Variants in SDCBP observed in about 807,000 individuals in gnomAD.
The protein encoded by SDCBP is syntenin-1.
SDCBP carries 22 observed loss-of-function variants against 30.5 expected under a neutral mutation model. The ratio of observed to expected loss-of-function variants is 0.72; its 90% CI spans 0.52 to 1.03. SDCBP has a LOEUF of 1.03. Ranked by LOEUF, SDCBP falls within the 50% of genes least tolerant of loss-of-function variation. The pLI, the probability that SDCBP is intolerant of heterozygous loss-of-function variation, is 0.00. For missense variants in SDCBP, 304 were observed against 369.9 expected (o/e 0.82, Z 1.46); for synonymous variants, 103 against 118.7 (o/e 0.87, Z 0.86).
chr8:58,570,679 C>T (rs538236868), intron 2 of SDCBP: 13 of 472,700 alleles, frequency 2.8e-5, no homozygotes, highest in African/African-American at 2.5e-4. Context: ...TTGTGATAGC[C>T]TTAAAAGTAT....
At chr8:58,557,439 C>CATATAATACATATT (rs1186447328) in intron 1 of SDCBP, among the ~76,000 whole-genome samples, 44 of 129,146 alleles carry the variant, frequency 3.4e-4, no homozygotes, top group African/African-American at 1.2e-3. Context: ...ATATATAATA[C>CATATAATACATATT]ATATAATACA....
chr8:58,575,511 A>T (rs1750457641), intron 4 of SDCBP, among the ~76,000 whole-genome samples: 2 of 152,180 alleles, frequency 1.3e-5, no homozygotes, highest in South Asian at 4.1e-4. Flanking sequence ...TGCCCCTTTT[A>T]TGGAAATTCT....
At chr8:58,553,632 C>G (rs936626404) in intron 1 of SDCBP, among the ~76,000 whole-genome samples, 1 of 152,214 alleles carries the variant, frequency 6.6e-6, no homozygotes, top group East Asian at 1.9e-4. Flanking sequence ...CCTTCAGCCC[C>G]CGCCCCAGCT....
intron 2 of SDCBP, among the ~76,000 whole-genome samples, chr8:58,565,698 C>T (rs1269786899): frequency 6.6e-6 from 1 of 152,034 alleles, no homozygotes; most frequent in Admixed American, 6.5e-5. Context: ...AAGACAAATG[C>T]TTCTGCTTAA....
chr8:58,553,600 C>T (rs1048254425), intron 1 of SDCBP, among the ~76,000 whole-genome samples: 1 of 151,854 alleles, frequency 6.6e-6, no homozygotes, highest in Non-Finnish European at 1.5e-5. Flanking sequence ...TGGCAGAGCC[C>T]GGAGGCCCGG....
intron 8 of SDCBP, 142 bp from the exon 9 acceptor site, chr8:58,581,544 T>C: frequency 1.6e-6 from 1 of 644,212 alleles, no homozygotes. Flanking sequence ...CTGGACTCAT[T>C]TAAAAGATCT....
rs186028729 is a variant in SDCBP at position 58,557,669 on chromosome 8, A to G, written c.-16+4366A>G. 2.2e-3 allele frequency among the ~76,000 whole-genome samples: 328 copies of G among 151,890 alleles called. 1 individual carries two copies. Among genetic ancestry groups the G allele is most frequent in the Non-Finnish European group, 3.6e-3 (245 of 67,944 alleles). ...CATGAAGTGAGTCACAGAGATTGCA[A>G]ATAATGTAGTGTGGGCCAAACCTGG... is the stretch of plus-strand genomic sequence containing the variant. On this transcript the variant is annotated intron_variant, in intron 1 of 8. Transcript: ENST00000260130.
intron 6 of SDCBP, among the ~76,000 whole-genome samples, chr8:58,579,116 T>C (rs1201027163): frequency 1.3e-5 from 2 of 152,188 alleles, no homozygotes; most frequent in African/African-American, 2.4e-5. Context: ...CTTGAGGAAC[T>C]TAAGTCTTAC....
At chr8:58,572,361 C>A in intron 4 of SDCBP, 47 bp downstream of exon 4, 1 of 1,253,506 alleles carries the variant, frequency 8.0e-7, no homozygotes, top group Non-Finnish European at 1.2e-6. Flanking sequence ...TCATACTTTA[C>A]ATGTTAGTAT....
chr8:58,557,271 A>G (rs990377299), intron 1 of SDCBP, among the ~76,000 whole-genome samples: 13 of 132,872 alleles, frequency 9.8e-5, no homozygotes, highest in African/African-American at 3.8e-4. Context: ...TTAAATATTT[A>G]TATTTAAAAT....
rs149262570 is a variant in SDCBP at position 58,573,596 on chromosome 8, G to A, written c.240+1282G>A. On this transcript the variant is annotated intron_variant, in intron 4 of 8. Transcript: ENST00000260130. ...AGTGCCTCTGAGGGGTTGTAATGAG[G>A]CTGGTTCTGGGAGTGTCAGTAAAAG... is the stretch of plus-strand genomic sequence containing the variant. Among the ~76,000 whole-genome samples the A allele has an allele frequency of 6.7e-3, 1,024 of 152,230 alleles. 9 individuals are homozygous for A. The highest frequency in any genetic ancestry group is 0.032 in the South Asian group (152 of 4,816).
intron 2 of SDCBP, 182 bp from the exon 3 acceptor site, chr8:58,570,705 T>C (rs1193714613): frequency 1.3e-5 from 7 of 530,986 alleles, no homozygotes; most frequent in Admixed American, 3.2e-5. Flanking sequence ...ATATCAAATA[T>C]AGTTTTGATT....
At chr8:58,580,735 G>A (rs981753304) in intron 8 of SDCBP, 127 bp downstream of exon 8, 1 of 620,756 alleles carries the variant, frequency 1.6e-6, no homozygotes, top group South Asian at 1.9e-5. Context: ...CTAGAAATTT[G>A]AAGTAAGTTA....
intron 7 of SDCBP, 163 bp downstream of exon 7, chr8:58,579,957 A>T (rs1805589778): frequency 1.8e-6 from 1 of 545,922 alleles, no homozygotes; most frequent in African/African-American, 1.9e-5. Context: ...TTGGGCTGTC[A>T]TCTAGAACTA....
At chr8:58,571,793 C>CA (rs1805044106) in intron 3 of SDCBP, among the ~76,000 whole-genome samples, 1 of 152,106 alleles carries the variant, frequency 6.6e-6, no homozygotes, top group Non-Finnish European at 1.5e-5. Flanking sequence ...TCCCTGTTTA[C>CA]AGAATGAGTT....
chr8:58,565,672 A>G (rs904503951), intron 2 of SDCBP, among the ~76,000 whole-genome samples: 1 of 152,138 alleles, frequency 6.6e-6, no homozygotes, highest in African/African-American at 2.4e-5. Context: ...ACTCCTTTGT[A>G]TAAGTATTAG....
rs762464441 is a variant in SDCBP, at chr8:58,580,531, A to T, written c.765A>T (p.Ala255=). 3 of 1,569,514 alleles carry T rather than the reference A, an allele frequency of 1.9e-6. No individual in the cohort carries two copies. The South Asian group carries it at 3.3e-5, about 17-fold the overall frequency. The change falls in exon 8 of 9, where the codon GCA becomes GCT. Residue 255 remains alanine (A), a synonymous_variant. Coordinates refer to ENST00000260130, the MANE Select transcript of SDCBP (RefSeq NM_005625.4). ...GTTTTTATCAGGACTCTCAAATTGC[A>T]GACATACTGTCAACATCTGGGACTG... The part of the protein sequence containing the change: ...NVIGLKDSQI[A]DILSTSGTVV...
intron 3 of SDCBP, among the ~76,000 whole-genome samples, chr8:58,571,437 C>G (rs1468949433): frequency 2.0e-5 from 3 of 152,072 alleles, no homozygotes; most frequent in African/African-American, 7.2e-5. Flanking sequence ...TCTTTGGTCC[C>G]TTTTTCTTCA....
chr8:58,571,934 G>A (rs370930109), intron 3 of SDCBP, among the ~76,000 whole-genome samples: 2 of 152,218 alleles, frequency 1.3e-5, no homozygotes, highest in African/African-American at 4.8e-5. Flanking sequence ...TAGTTTATTT[G>A]GAAAAGTTAT....
Sources: allele counts gnomAD v4.1 joint callset (sites outside exome capture counted in the v4.1 genomes callset), GRCh38; gene constraint gnomAD v4.1.1; transcripts MANE v1.5; gene names NCBI Gene and HGNC (gene_info 2026-07-23, HGNC 2026-07-21).